Variants in SUZ12 observed in about 807,000 individuals in gnomAD.
SUZ12 encodes polycomb protein SUZ12.
SUZ12 carries 17 observed loss-of-function variants against 87.3 expected under a neutral mutation model. The observed-to-expected ratio is 0.19, with a 90% CI of 0.13 to 0.29. The LOEUF (loss-of-function observed/expected upper bound fraction) is 0.29, where lower values mean the gene tolerates loss of function less well. Ranked by LOEUF, SUZ12 falls within the 10% of genes least tolerant of loss-of-function variation. The probability of loss-of-function intolerance (pLI) is 1.00; values close to 1 mark genes in which losing one functional copy is unlikely to be tolerated. For missense variants in SUZ12, 526 were observed against 912.2 expected (o/e 0.58, Z 5.45); for synonymous variants, 253 against 312.4 (o/e 0.81, Z 2.01).
chr17:31,947,832 A>C, intron 4 of SUZ12, 147 bp downstream of exon 4: 1 of 762,890 alleles, frequency 1.3e-6, no homozygotes, highest in Non-Finnish European at 2.0e-6. Context: ...CACAAGTCAG[A>C]AATTAATTTC....
intron 3 of SUZ12, among the ~76,000 whole-genome samples, chr17:31,944,885 A>G (rs1336110498): frequency 1.3e-5 from 2 of 152,068 alleles, no homozygotes; most frequent in Non-Finnish European, 2.9e-5. Context: ...CTGGCAACAT[A>G]GTGAGACCCT....
At chr17:31,964,413 G>GTTTTT (rs544646719) in intron 4 of SUZ12, among the ~76,000 whole-genome samples, 7,729 of 140,092 alleles carry the variant, frequency 0.055, no homozygotes, top group African/African-American at 0.18. Context: ...AACTCTGTAG[G>GTTTTT]TTTTTTTTTT....
intron 12 of SUZ12, 85 bp from the exon 13 acceptor site, chr17:31,994,477 TAA>T: frequency 7.8e-7 from 1 of 1,287,288 alleles, no homozygotes. Context: ...TTCTAAATAT[TAA>T]GAGCCCACAA....
At chr17:31,966,091 G>A (rs1908069023) in intron 4 of SUZ12, 56 bp from the exon 5 acceptor site, 4 of 1,432,512 alleles carry the variant, frequency 2.8e-6, no homozygotes, top group African/African-American at 2.9e-5. Flanking sequence ...TAAAGTCTAG[G>A]TTATTTTACT....
At chr17:31,977,857 C>T (rs1908853160) in intron 8 of SUZ12, among the ~76,000 whole-genome samples, 1 of 152,072 alleles carries the variant, frequency 6.6e-6, no homozygotes, top group Non-Finnish European at 1.5e-5. Context: ...CCACTGCACT[C>T]CATCCTGGGT....
chr17:31,949,992 GTTTA>G (rs1319035204), intron 4 of SUZ12, among the ~76,000 whole-genome samples: 5 of 151,576 alleles, frequency 3.3e-5, no homozygotes, highest in African/African-American at 1.2e-4. Context: ...CAATTTTTGT[GTTTA>G]TTTATTTATT....
rs1482270495 is a variant in SUZ12 at position 31,956,034 on chromosome 17, T to A, written c.455+8349T>A. Among the ~76,000 whole-genome samples the A allele has an allele frequency of 3.3e-5, 5 of 152,082 alleles. No homozygotes were observed. In the East Asian group the frequency reaches 9.8e-4, roughly 30 times the overall value. The stretch of plus-strand genomic sequence containing the variant: ...TTCACGCCATTCTTCTGCCTCAGCC[T>A]CCTGAGTAGCTAGGACTATAGGCGC... On this transcript the variant is annotated intron_variant, in intron 4 of 15. Transcript: ENST00000322652.
intron 4 of SUZ12, among the ~76,000 whole-genome samples, chr17:31,963,087 T>C (rs1173616952): frequency 1.3e-5 from 2 of 152,276 alleles, no homozygotes; most frequent in Non-Finnish European, 2.9e-5. Flanking sequence ...TAAAAATGTT[T>C]ATAATATATG....
chr17:31,995,679 T>C lies in SUZ12; in HGVS notation c.1711T>C (p.Cys571Arg). The change falls in exon 14 of 16, where the codon TGC becomes CGC. Residue 571 changes from cysteine to arginine, a missense_variant. Physicochemically the swap from Cys to Arg is radical, Grantham distance 180 (BLOSUM62 -3). Transcript: ENST00000322652. ...HNRLYFHSDT[C>R]LPLRPQEMEV... ...TCGTCTGTATTTCCATAGTGATACC[T>C]GCTTACCTCTCCGTCCACAAGAAAT... The C allele has an allele frequency of 6.2e-7, 1 of 1,614,084 alleles. No individual in the cohort carries two copies.
At chr17:31,940,962 A>G (rs1906238858) in intron 3 of SUZ12, among the ~76,000 whole-genome samples, 1 of 151,166 alleles carries the variant, frequency 6.6e-6, no homozygotes, top group African/African-American at 2.4e-5. Flanking sequence ...GTGAGCCGAG[A>G]TTGCGCCGTT....
Position 31,954,874 on chromosome 17 carries a change from C to T in SUZ12, c.455+7189C>T, listed in dbSNP as rs1253346496. Among the ~76,000 whole-genome samples the T allele has an allele frequency of 2.6e-5, 4 of 152,268 alleles. No individual in the cohort carries two copies. In the East Asian group the frequency reaches 7.7e-4, roughly 29 times the overall value. On this transcript the variant is annotated intron_variant, in intron 4 of 15. Transcript: ENST00000322652. ...TAGCTGTGTAGAAAGAGCAAGTCTCCTTGAGAGTGGTATGAGAAGAAGCTG... is the reference window on the plus strand; with the variant it reads ...TAGCTGTGTAGAAAGAGCAAGTCTCTTTGAGAGTGGTATGAGAAGAAGCTG...
chr17:31,995,762 A>G lies in SUZ12; in HGVS notation c.1794A>G (p.Thr598=). The G allele has an allele frequency of 6.3e-7, 1 of 1,593,350 alleles. No homozygotes were observed. The highest frequency in any genetic ancestry group is 8.6e-7 in the Non-Finnish European group (1 of 1,164,134). ...DPEWLREKTI[T]QIEEFSDVNE... ...AATGGCTAAGAGAAAAAACCATTACAGTAATTATTATTATCTTTATTGGCA... is the reference window on the plus strand; with the variant it reads ...AATGGCTAAGAGAAAAAACCATTACGGTAATTATTATTATCTTTATTGGCA... Residue 598 remains threonine (T), a splice_region_variant and synonymous_variant, in exon 14 of 16, where the codon ACA becomes ACG. Transcript: ENST00000322652.
chr17:31,968,774 T>A (rs1406246783), intron 5 of SUZ12, among the ~76,000 whole-genome samples: 1 of 152,324 alleles, frequency 6.6e-6, no homozygotes, highest in South Asian at 2.1e-4. Flanking sequence ...CAGAAACTTA[T>A]AATTTGAATT....
Position 31,975,474 on chromosome 17 carries a change from C to T in SUZ12, c.592-8C>T. ...ATAAATATAAATTAATAATGTTTAC[C>T]TTTGCAGGATGTAAGTTGTCCAATA... is the stretch of plus-strand genomic sequence containing the variant. On this transcript the variant is annotated splice_region_variant and splice_polypyrimidine_tract_variant and intron_variant, in intron 6 of 15. Coordinates refer to ENST00000322652, the MANE Select transcript of SUZ12 (RefSeq NM_015355.4). The T allele has an allele frequency of 6.3e-7, 1 of 1,583,692 alleles. No homozygotes were observed.
At chr17:31,960,033 C>G (rs547258682) in intron 4 of SUZ12, among the ~76,000 whole-genome samples, 2 of 152,260 alleles carry the variant, frequency 1.3e-5, no homozygotes, top group South Asian at 4.1e-4. Context: ...ATAGTCCTGA[C>G]CAACCTTACG....
At chr17:31,970,169 A>G (rs1598168738) in intron 5 of SUZ12, among the ~76,000 whole-genome samples, 2 of 152,278 alleles carry the variant, frequency 1.3e-5, no homozygotes, top group Middle Eastern at 3.4e-3. Flanking sequence ...TTTGGGTACT[A>G]TTTTCATGAT....
chr17:31,955,593 T>C (rs1228614477), intron 4 of SUZ12, among the ~76,000 whole-genome samples: 3 of 151,914 alleles, frequency 2.0e-5, no homozygotes, highest in African/African-American at 4.8e-5. Context: ...ACTAAAAATA[T>C]AAAAATTAGC....
intron 5 of SUZ12, among the ~76,000 whole-genome samples, chr17:31,972,444 A>AC: frequency 6.6e-6 from 1 of 150,564 alleles, no homozygotes. Flanking sequence ...ACAGGATCTC[A>AC]CTCCTTCGCC....
intron 5 of SUZ12, among the ~76,000 whole-genome samples, chr17:31,972,284 C>T (rs1330645277): frequency 2.0e-5 from 3 of 149,106 alleles, no homozygotes; most frequent in Admixed American, 6.7e-5. Context: ...GTCTCTGTCT[C>T]GAAAAGGAAT....
Sources: gnomAD v4.1 joint callset for allele counts (sites outside exome capture counted in the v4.1 genomes callset) on GRCh38, gnomAD v4.1.1 for gene constraint, MANE v1.5 for transcripts, NCBI Gene and HGNC (gene_info 2026-07-23, HGNC 2026-07-21) for gene names.